The following TMEM134 variants were observed in gnomAD, a reference collection of about 807,000 sequenced individuals.
TMEM134 encodes transmembrane protein 134.
TMEM134 carries 36 observed loss-of-function variants against 26.2 expected under a neutral mutation model. That is an observed-to-expected ratio of 1.37 (90% CI 1.05 to 1.81). The LOEUF is 1.81. Among genes scored for constraint, TMEM134 ranks in the 40% most tolerant of loss-of-function variants. TMEM134 has a pLI of 0.00. For missense variants in TMEM134, 339 were observed against 263.5 expected, an observed-to-expected ratio of 1.29 and a Z score of -1.98; for synonymous variants, 133 against 113.6, an observed-to-expected ratio of 1.17 and a Z score of -1.08.
In TMEM134 at chr11:67,464,571, A is replaced by C. The variant is rs1179411850; in HGVS notation, c.*43T>G. 1.3e-6 allele frequency: 2 copies of C among 1,532,412 alleles called. No individual in the cohort carries two copies. The highest frequency in any genetic ancestry group is 2.4e-5 in the South Asian group (2 of 83,732). The allele number at this position is 1,532,412 out of a possible 1,614,324, so 94.9% of individuals were successfully genotyped here. The stretch of plus-strand genomic sequence containing the variant: ...GATGAGGGGAACGGAACAGGGCAAG[A>C]GGGGCGCCCCCATGGGCGCAAGGGG... On this transcript the variant is annotated 3_prime_UTR_variant, in exon 7 of 7. Coordinates refer to ENST00000308022, the MANE Select transcript of TMEM134 (RefSeq NM_025124.4).
chr11:67,468,267 A>AG (rs1865410921), intron 1 of TMEM134, 175 bp from the exon 2 acceptor site: 1 of 622,506 alleles, frequency 1.6e-6, no homozygotes, highest in African/African-American at 1.8e-5. Context: ...ACCAGGTAGG[A>AG]GGTGGGTGGA....
intron 1 of TMEM134, among the ~76,000 whole-genome samples, chr11:67,468,524 C>G (rs1286741590): frequency 6.6e-6 from 1 of 152,168 alleles, no homozygotes; most frequent in Non-Finnish European, 1.5e-5. Context: ...TAGTGGGAGC[C>G]AAAGGGTGGG....
chr11:67,468,995 G>A (rs941325888), intron 1 of TMEM134, 24 bp downstream of exon 1: 7 of 1,476,314 alleles, frequency 4.7e-6, no homozygotes, highest in Middle Eastern at 2.0e-4. Flanking sequence ...GGGGGCAGGG[G>A]GTTAGGTGGG....
Position 67,464,639 on chromosome 11 carries a change from A to T in TMEM134, c.563T>A (p.Phe188Tyr). Residue 188 changes from phenylalanine to tyrosine, a missense_variant, in exon 7 of 7, where the codon TTC becomes TAC. Physicochemically the swap from Phe to Tyr is conservative, Grantham distance 22. Transcript: ENST00000308022. The stretch of plus-strand genomic sequence containing the variant: ...TCACTTCTCGAAGTAGGGCAGGTAG[A>T]AGAACTGGAAGCCCCGGTGGCCCTT... ...AVKGHRGFQF[F>Y]YLPYFEK 3.9e-6 allele frequency: 6 copies of T among 1,552,772 alleles called. No individual in the cohort carries two copies. Among genetic ancestry groups the T allele is most frequent in the Non-Finnish European group, 4.4e-6 (5 of 1,147,646 alleles).
rs1486944152 is a variant in TMEM134 at position 67,469,212 on chromosome 11, G to A, written c.-20C>T. 5.6e-6 allele frequency: 7 copies of A among 1,259,960 alleles called. No individual in the cohort carries two copies. Among genetic ancestry groups the A allele is most frequent in the African/African-American group, 3.1e-5 (2 of 64,366 alleles). The allele number at this position is 1,259,960 out of a possible 1,614,324, so 78.0% of individuals were successfully genotyped here. On this transcript the variant is annotated 5_prime_UTR_variant, in exon 1 of 7. Coordinates refer to ENST00000308022, the MANE Select transcript of TMEM134 (RefSeq NM_025124.4). ...GCTCATGGCCCCGGCCCGCTCAGGC[G>A]CCGTGCGCCGCCGCCATCTGCGCCC...
Position 67,467,580 on chromosome 11 carries a change from G to A in TMEM134, c.250C>T (p.Arg84Ter), listed in dbSNP as rs143199541. 5.4e-3 allele frequency: 8,679 copies of A among 1,613,978 alleles called. 34 individuals carry two copies. The highest frequency in any genetic ancestry group is 6.4e-3 in the Non-Finnish European group (7,569 of 1,180,004). The change falls in exon 3 of 7, where the codon CGA (arginine) becomes TGA (stop). Residue 84 changes from arginine to a stop codon, truncating the protein, a stop_gained. Transcript: ENST00000308022. LOFTEE classifies it high-confidence loss of function. ...CACTGGGAGCTGCGGATGGAAGTTC[G>A]GCTGGAATCCCTGCCAGGACAGGCG... ...DGGVGTRDSS[R>*]TSIRSSQWSF... is the part of the protein sequence containing the mutation.
intron 1 of TMEM134, among the ~76,000 whole-genome samples, chr11:67,468,501 G>C (rs1262094047): frequency 1.3e-5 from 2 of 152,206 alleles, no homozygotes; most frequent in Non-Finnish European, 2.9e-5. Context: ...TGGGAAAATG[G>C]GTTTTTCTGG....
chr11:67,467,159 CCT>C, intron 4 of TMEM134, 151 bp downstream of exon 4: 1 of 674,658 alleles, frequency 1.5e-6, no homozygotes, highest in East Asian at 2.7e-5. Context: ...GCCTCTGTCT[CCT>C]CACCTGTAAA....
Position 67,464,840 on chromosome 11 carries a change from G to A in TMEM134, c.468C>T (p.Ile156=), listed in dbSNP as rs200818265. The A allele has an allele frequency of 3.1e-6, 5 of 1,610,544 alleles. No homozygotes were observed. In the Admixed American group the frequency reaches 8.3e-5, roughly 27 times the overall value. ...ACAACAGGAAGCCCGGCACGAAGAA[G>A]ATGGCGCTGGAGACACCTGCGGGAG... The part of the protein sequence containing the change: ...ATPSPGVSSA[I]FFVPGFLLLV... The change falls in exon 6 of 7, where the codon ATC becomes ATT. Residue 156 remains isoleucine, a synonymous_variant. Transcript: ENST00000308022.
Position 67,464,673 on chromosome 11 carries a change from A to G in TMEM134, c.529T>C (p.Cys177Arg), listed in dbSNP as rs371583185. 4.8e-5 allele frequency: 75 copies of G among 1,553,678 alleles called. No individual in the cohort carries two copies. Among genetic ancestry groups the G allele is most frequent in the Non-Finnish European group, 6.3e-5 (72 of 1,148,040 alleles). Residue 177 changes from cysteine to arginine, a missense_variant, in exon 7 of 7, where the codon TGC (cysteine) becomes CGC (arginine). Coordinates refer to ENST00000308022, the MANE Select transcript of TMEM134 (RefSeq NM_025124.4). ...AAGCCCCGGTGGCCCTTGACCGCGC[A>G]GTAGATGAAGATCACGTGATAGACT... is the stretch of plus-strand genomic sequence containing the variant. ...PGVYHVIFIY[C>R]AVKGHRGFQF...
At chr11:67,468,850 G>A (rs1170011569) in intron 1 of TMEM134, among the ~76,000 whole-genome samples, 169 bp downstream of exon 1, 7 of 152,184 alleles carry the variant, frequency 4.6e-5, no homozygotes, top group Non-Finnish European at 1.0e-4. Flanking sequence ...GGAACCGGGA[G>A]GGCCTGGGCA....
rs746676747 is a variant in TMEM134, at chr11:67,469,203, C to G, written c.-11G>C. On this transcript the variant is annotated 5_prime_UTR_variant, in exon 1 of 7. Coordinates refer to ENST00000308022, the MANE Select transcript of TMEM134 (RefSeq NM_025124.4). ...CCGGGCGGCGCTCATGGCCCCGGCC[C>G]GCTCAGGCGCCGTGCGCCGCCGCCA... is the stretch of plus-strand genomic sequence containing the variant. 15 of 1,272,428 alleles carry G rather than the reference C, an allele frequency of 1.2e-5. No homozygotes were observed. In the Admixed American group the frequency reaches 1.3e-4, roughly 11 times the overall value. 78.8% of individuals were successfully genotyped at this position (1,272,428 alleles called of 1,614,324 possible). A position where few individuals can be genotyped will look rare whatever the true frequency, so the allele number is the denominator to read the frequency against.
rs1455155767 is a variant in TMEM134, at chr11:67,469,141, G to A, written c.52C>T (p.Leu18=). Residue 18 remains leucine (L), a synonymous_variant, in exon 1 of 7, where the codon CTG becomes TTG. Coordinates refer to ENST00000308022, the MANE Select transcript of TMEM134 (RefSeq NM_025124.4). ...TCGGGCCCAGGGCCCCCGTCCTCCA[G>A]GGACAGCTCGAAGGCATCATCAATG... ...FSIDDAFELS[L]EDGGPGPESS... 23 of 1,483,984 alleles carry A rather than the reference G, an allele frequency of 1.5e-5. No individual in the cohort carries two copies. Among genetic ancestry groups the A allele is most frequent in the Non-Finnish European group, 1.8e-5 (20 of 1,114,596 alleles). 91.9% of individuals were successfully genotyped at this position (1,483,984 alleles called of 1,614,324 possible).
chr11:67,468,236 C>G (rs540236755), intron 1 of TMEM134, 144 bp from the exon 2 acceptor site: 5 of 736,194 alleles, frequency 6.8e-6, no homozygotes, highest in Non-Finnish European at 1.1e-5. Flanking sequence ...CCCCGCAGAA[C>G]GGGTTTGGTG....
chr11:67,462,765 T>A lies in TMEM134; in HGVS notation c.*1849A>T, dbSNP rs1865057500. ...TCCAGGCTGGAGTGCAGTGGTGCAA[T>A]CATGACTCCACTGCAGCCTCCCAGG... On this transcript the variant is annotated 3_prime_UTR_variant, in exon 7 of 7. Coordinates refer to ENST00000308022, the MANE Select transcript of TMEM134 (RefSeq NM_025124.4). 1 of 152,024 alleles carries A rather than the reference T, an allele frequency of 6.6e-6. No homozygotes were observed. Among genetic ancestry groups the A allele is most frequent in the African/African-American group, 2.4e-5 (1 of 41,366 alleles). 9.4% of individuals were successfully genotyped at this position (152,024 alleles called of 1,614,324 possible). A position where few individuals can be genotyped will look rare whatever the true frequency, so the allele number is the denominator to read the frequency against.
intron 2 of TMEM134, 81 bp from the exon 3 acceptor site, chr11:67,467,671 G>T: frequency 7.2e-7 from 1 of 1,382,750 alleles, no homozygotes; most frequent in Non-Finnish European, 1.0e-6. Flanking sequence ...GAAGTGCAGG[G>T]CATGGTGCAG....
intron 1 of TMEM134, 107 bp from the exon 2 acceptor site, chr11:67,468,199 G>C: frequency 9.4e-7 from 1 of 1,061,124 alleles, no homozygotes; most frequent in Non-Finnish European, 1.4e-6. Context: ...TGGCCGCCTG[G>C]CAGCTGTTCA....
At position 67,464,310 on chromosome 11, in the gene TMEM134, T is replaced by C. The variant is rs1170247240; in HGVS notation, c.*304A>G. 2 of 471,784 alleles carry C rather than the reference T, an allele frequency of 4.2e-6. No individual in the cohort carries two copies. Among genetic ancestry groups the C allele is most frequent in the Non-Finnish European group, 7.7e-6 (2 of 258,732 alleles). The allele number at this position is 471,784 out of a possible 1,614,324, so 29.2% of individuals were successfully genotyped here. On this transcript the variant is annotated 3_prime_UTR_variant, in exon 7 of 7. Coordinates refer to ENST00000308022, the MANE Select transcript of TMEM134 (RefSeq NM_025124.4). ...GGGAGGGGGGCTGTGGTCAGGCTGG[T>C]GGGCTGGGCTAGCAGTGGCAGGACA...
rs751724408 is a variant in TMEM134 at position 67,464,631 on chromosome 11, G to T, written c.571C>A (p.Pro191Thr). Reference sequence around the variant, plus strand: ...CGCCGCGATCACTTCTCGAAGTAGGGCAGGTAGAAGAACTGGAAGCCCCGG... The same window carrying T: ...CGCCGCGATCACTTCTCGAAGTAGGTCAGGTAGAAGAACTGGAAGCCCCGG... ...GHRGFQFFYLPYFEK is the reference protein window; with the variant it reads ...GHRGFQFFYLTYFEK The change falls in exon 7 of 7, where the codon CCC becomes ACC. Residue 191 changes from proline to threonine, a missense_variant. Pro to Thr is a conservative substitution (Grantham distance 38, BLOSUM62 -1). Transcript: ENST00000308022. 5 of 1,552,860 alleles carry T rather than the reference G, an allele frequency of 3.2e-6. No individual in the cohort carries two copies. Among genetic ancestry groups the T allele is most frequent in the Non-Finnish European group, 3.5e-6 (4 of 1,147,544 alleles).
Sources: gnomAD v4.1 joint callset for allele counts (sites outside exome capture counted in the v4.1 genomes callset) on GRCh38, gnomAD v4.1.1 for gene constraint, MANE v1.5 for transcripts, NCBI Gene and HGNC (gene_info 2026-07-23, HGNC 2026-07-21) for gene names.